SLC35F3: variants seen among roughly 807,000 people sequenced by gnomAD.
The protein encoded by SLC35F3 is putative thiamine transporter SLC35F3.
SLC35F3 carries 25 observed loss-of-function variants against 49.9 expected under a neutral mutation model. The ratio of observed to expected loss-of-function variants is 0.50; its 90% confidence interval spans 0.37 to 0.70. The LOEUF is 0.70. Among genes scored for constraint, SLC35F3 ranks in the 30% least tolerant of loss-of-function variants. The pLI, the probability that SLC35F3 is intolerant of heterozygous loss-of-function variation, is 0.00. For synonymous variants in SLC35F3, 275 were observed against 265.4 expected (o/e 1.04, Z -0.35); for missense variants, 525 against 639.8 (o/e 0.82, Z 1.94).
At chr1:234,001,689 C>A (rs749344499) in intron 2 of SLC35F3, among the ~76,000 whole-genome samples, 33 of 151,528 alleles carry the variant, frequency 2.2e-4, no homozygotes, top group Admixed American at 4.0e-4. Flanking sequence ...ACAGGTTCTG[C>A]AGTTTAAGAA....
In SLC35F3 at chr1:234,267,542, TG is replaced by T. The variant is rs1183690315; in HGVS notation, c.608+35803del. Reference sequence around the variant, plus strand: ...CCACCTCCCTCCCGGACGGGGCGGCTGGCCGGGCAGAGGGGTCCTCACTTCC... The same window carrying T: ...CCACCTCCCTCCCGGACGGGGCGGCTGCCGGGCAGAGGGGTCCTCACTTCC... On this transcript the variant is annotated intron_variant, in intron 3 of 7. Coordinates refer to ENST00000366618, the MANE Select transcript of SLC35F3 (RefSeq NM_173508.4). Among the ~76,000 whole-genome samples, 3 of 144,242 alleles carry T rather than the reference TG, an allele frequency of 2.1e-5. No individual in the cohort carries two copies. In the South Asian group the frequency reaches 6.5e-4, roughly 31 times the overall value. 94.6% of individuals were successfully genotyped at this position (144,242 alleles called of 152,430 possible). A position where few individuals can be genotyped will look rare whatever the true frequency, so the allele number is the denominator to read the frequency against.
chr1:234,176,326 G>C (rs754747847), intron 2 of SLC35F3, among the ~76,000 whole-genome samples: 16 of 152,170 alleles, frequency 1.1e-4, no homozygotes, highest in Non-Finnish European at 1.9e-4. Context: ...AGAGAAAGCT[G>C]CTCAAAGAGA....
intron 2 of SLC35F3, among the ~76,000 whole-genome samples, chr1:233,953,506 G>A (rs755298973): frequency 2.6e-5 from 4 of 152,204 alleles, no homozygotes; most frequent in Non-Finnish European, 5.9e-5. Flanking sequence ...TAAAGGTATT[G>A]CAAGTGCCCT....
At chr1:234,074,601 G>T (rs763094100) in intron 2 of SLC35F3, among the ~76,000 whole-genome samples, 2 of 152,182 alleles carry the variant, frequency 1.3e-5, no homozygotes, top group Non-Finnish European at 2.9e-5. Context: ...GGCAAGACAG[G>T]CAGGGGTGGA....
At chr1:234,216,168 A>G (rs938617082) in intron 2 of SLC35F3, among the ~76,000 whole-genome samples, 1 of 152,144 alleles carries the variant, frequency 6.6e-6, no homozygotes, top group African/African-American at 2.4e-5. Context: ...TGGGGAGGGA[A>G]GGATTGGCCA....
intron 2 of SLC35F3, among the ~76,000 whole-genome samples, chr1:233,919,227 T>C (rs993607053): frequency 6.6e-6 from 1 of 152,184 alleles, no homozygotes; most frequent in Admixed American, 6.5e-5. Flanking sequence ...GAATTTTGGC[T>C]AGTTGTCCTG....
intron 2 of SLC35F3, among the ~76,000 whole-genome samples, chr1:233,978,174 A>G (rs1663121138): frequency 6.6e-6 from 1 of 152,150 alleles, no homozygotes; most frequent in South Asian, 2.1e-4. Context: ...AAGGAAAAAA[A>G]AAGGTAGTAA....
intron 2 of SLC35F3, among the ~76,000 whole-genome samples, chr1:234,180,110 G>A (rs1666534239): frequency 6.6e-6 from 1 of 152,170 alleles, no homozygotes; most frequent in East Asian, 1.9e-4. Flanking sequence ...ACAGCACCTG[G>A]CTAGAAATGA....
Position 234,284,540 on chromosome 1 carries a change from C to T in SLC35F3, c.609-24561C>T, listed in dbSNP as rs971488369. 3.3e-5 allele frequency among the ~76,000 whole-genome samples: 5 copies of T among 152,296 alleles called. No individual in the cohort carries two copies. In the South Asian group the frequency reaches 6.2e-4, roughly 19 times the overall value. ...ATGCAAATGGAGCTCTTTCTGTGTG[C>T]CTGGACTGTTGTAGTGGCCTGGACA... On this transcript the variant is annotated intron_variant, in intron 3 of 7. Coordinates refer to ENST00000366618, the MANE Select transcript of SLC35F3 (RefSeq NM_173508.4).
chr1:234,316,685 C>T lies in SLC35F3; in HGVS notation c.912C>T (p.Ile304=), dbSNP rs199563591. The change falls in exon 5 of 8, where the codon ATC becomes ATT. Residue 304 remains isoleucine (I), a synonymous_variant. Transcript: ENST00000366618. ...TCCACAGCCACTCCGTCATCGGCAT[C>T]GCACTGGTGGTGGCCTCAGCATCGA... ...DGFHSHSVIG[I]ALVVASASMS... 3.2e-5 allele frequency: 52 copies of T among 1,613,172 alleles called. No homozygotes were observed. Among genetic ancestry groups the T allele is most frequent in the Non-Finnish European group, 4.1e-5 (48 of 1,179,234 alleles).
intron 2 of SLC35F3, among the ~76,000 whole-genome samples, chr1:234,097,658 T>G (rs1665144781): frequency 6.6e-6 from 1 of 152,166 alleles, no homozygotes; most frequent in African/African-American, 2.4e-5. Context: ...AGATAATGGC[T>G]GTGGGAATTA....
intron 2 of SLC35F3, among the ~76,000 whole-genome samples, chr1:233,946,382 T>A (rs1165128102): frequency 6.6e-6 from 1 of 152,248 alleles, no homozygotes; most frequent in African/African-American, 2.4e-5. Flanking sequence ...CCTATAATTT[T>A]GTTTGGACTT....
chr1:234,004,227 A>G (rs1460808055), intron 2 of SLC35F3, among the ~76,000 whole-genome samples: 1 of 152,182 alleles, frequency 6.6e-6, no homozygotes, highest in East Asian at 1.9e-4. Context: ...GTATAAATAA[A>G]ATATACTAAA....
At chr1:234,278,357 G>C (rs1315165817) in intron 3 of SLC35F3, among the ~76,000 whole-genome samples, 1 of 152,100 alleles carries the variant, frequency 6.6e-6, no homozygotes, top group Admixed American at 6.5e-5. Flanking sequence ...TGGTGCAATG[G>C]CACGGGCCTG....
rs1214002644 is a variant in SLC35F3 at position 234,205,523 on chromosome 1, C to G, written c.284-25894C>G. Among the ~76,000 whole-genome samples, 4 of 150,218 alleles carry G rather than the reference C, an allele frequency of 2.7e-5. No individual in the cohort carries two copies. In the East Asian group the frequency reaches 7.7e-4, roughly 29 times the overall value. On this transcript the variant is annotated intron_variant, in intron 2 of 7. Transcript: ENST00000366618. ...AATGCTGGAGTTGTACTTGAACTCC[C>G]TCCCACTTGGAGAATCTAGGCTTGC...
intron 2 of SLC35F3, among the ~76,000 whole-genome samples, chr1:233,971,145 T>C (rs185051965): frequency 6.6e-6 from 1 of 152,320 alleles, no homozygotes; most frequent in East Asian, 1.9e-4. Flanking sequence ...GGCATTGATA[T>C]ACATCTGACT....
intron 2 of SLC35F3, among the ~76,000 whole-genome samples, chr1:233,925,152 CT>C (rs1442485186): frequency 6.6e-6 from 1 of 152,122 alleles, no homozygotes; most frequent in Non-Finnish European, 1.5e-5. Context: ...ATTAGGTCCT[CT>C]TGGTGCAGAG....
chr1:233,964,608 G>C (rs1029650872), intron 2 of SLC35F3, among the ~76,000 whole-genome samples: 8 of 152,238 alleles, frequency 5.3e-5, no homozygotes, highest in African/African-American at 1.9e-4. Flanking sequence ...TGTCGCGAAG[G>C]CATGCGAGGA....
At chr1:234,003,421 A>G (rs953139574) in intron 2 of SLC35F3, among the ~76,000 whole-genome samples, 1 of 152,202 alleles carries the variant, frequency 6.6e-6, no homozygotes, top group Non-Finnish European at 1.5e-5. Context: ...TCCAACAGGA[A>G]AAAACAGATT....
Sources: gnomAD v4.1 joint callset for allele counts (sites outside exome capture counted in the v4.1 genomes callset) on GRCh38, gnomAD v4.1.1 for gene constraint, MANE v1.5 for transcripts, NCBI Gene and HGNC (gene_info 2026-07-23, HGNC 2026-07-21) for gene names.